Variants in ZNF709 observed in about 807,000 individuals in gnomAD.
ZNF709 encodes the protein zinc finger protein 709.
In ZNF709, 15 loss-of-function variants were observed where a neutral mutation model predicts 10.6. That is an observed-to-expected ratio of 1.41 (90% CI 0.95 to 2.18). ZNF709 has a LOEUF of 2.18. Ranked by LOEUF, ZNF709 falls within the 30% of genes most tolerant of loss-of-function variation. The pLI is 0.00. For missense variants in ZNF709, 589 were observed against 774.0 expected (o/e 0.76, Z 2.84); for synonymous variants, 194 against 238.8 (o/e 0.81, Z 1.73).
Position 12,461,195 on chromosome 19 carries a change from T to C in ZNF709, c.*2801A>G, listed in dbSNP as rs1970511429. The C allele has an allele frequency of 6.6e-6, 1 of 152,192 alleles. No homozygotes were observed. Among genetic ancestry groups the C allele is most frequent in the Non-Finnish European group, 1.5e-5 (1 of 68,040 alleles). The allele number at this position is 152,192 out of a possible 1,614,324, so 9.4% of individuals were successfully genotyped here. ...TTAATCTGAAAATCTATAATTGCAA[T>C]GGAATATTTTAATATATCCTTGCAG... On this transcript the variant is annotated 3_prime_UTR_variant, in exon 4 of 4. Transcript: ENST00000397732.
At chr19:12,477,566 G>A (rs2862168) in intron 1 of ZNF709, among the ~76,000 whole-genome samples, 61,940 of 151,954 alleles carry the variant, frequency 0.41, 14,210 homozygotes, top group Non-Finnish European at 0.51. Flanking sequence ...ATTATCAGGG[G>A]ATACCTTGCT....
At chr19:12,468,103 A>G (rs537194971) in intron 1 of ZNF709, among the ~76,000 whole-genome samples, 2 of 140,100 alleles carry the variant, frequency 1.4e-5, no homozygotes, top group South Asian at 4.7e-4. Context: ...CCAGCCGCCC[A>G]GTCCAGGAGG....
chr19:12,465,104 G>A lies in ZNF709; in HGVS notation c.818C>T (p.Thr273Ile), dbSNP rs747013708. The change falls in exon 4 of 4, where the codon ACT (threonine) becomes ATT (isoleucine). Residue 273 changes from threonine to isoleucine, a missense_variant. By Grantham distance (89) the Thr-to-Ile change is moderately conservative (BLOSUM62 -1). Around this residue, in one of 2 missense-constraint regions of ZNF709, gnomAD observed 418 missense variants for 496.3 expected, o/e 0.84. Transcript: ENST00000397732. Reference sequence around the variant, plus strand: ...CTGATAGGGTTTTTCCCCAGTGTGAGTCCTTTCATGTATTTGAAAAGTTTG... The same window carrying A: ...CTGATAGGGTTTTTCCCCAGTGTGAATCCTTTCATGTATTTGAAAAGTTTG... Reference protein sequence around the residue: ...YYQTFQIHERTHTGEKPYQCK... With the variant: ...YYQTFQIHERIHTGEKPYQCK... 6.8e-6 allele frequency: 11 copies of A among 1,612,288 alleles called. No homozygotes were observed. The highest frequency in any genetic ancestry group is 9.3e-6 in the Non-Finnish European group (11 of 1,179,470).
intron 1 of ZNF709, among the ~76,000 whole-genome samples, chr19:12,472,202 A>C (rs1048532451): frequency 4.6e-5 from 7 of 152,138 alleles, no homozygotes; most frequent in African/African-American, 1.7e-4. Context: ...TAGCCAAATA[A>C]ATAAAAAGTG....
intron 1 of ZNF709, among the ~76,000 whole-genome samples, chr19:12,481,448 C>T (rs927536983): frequency 5.3e-5 from 8 of 151,986 alleles, no homozygotes; most frequent in Admixed American, 1.3e-4. Context: ...CCAAGTTGGC[C>T]AGGCTGGTCT....
intron 1 of ZNF709, chr19:12,481,234 C>CTTTTTTTTTT: frequency 1.0e-6 from 1 of 960,612 alleles, no homozygotes; most frequent in Non-Finnish European, 1.2e-6. Flanking sequence ...CCAGAGTTTT[C>CTTTTTTTTTT]TTTTTTTTTG....
Position 12,464,726 on chromosome 19 carries a change from T to C in ZNF709, c.1196A>G (p.Lys399Arg), listed in dbSNP as rs1260388146. The C allele has an allele frequency of 1.2e-6, 2 of 1,613,718 alleles. No homozygotes were observed. Among genetic ancestry groups the C allele is most frequent in the African/African-American group, 1.3e-5 (1 of 74,922 alleles). Reference sequence around the variant, plus strand: ...AAAGGAACTGGAACAACTGAAGGCTTTACCACACTGTTTACATTCATAGGG... The same window carrying C: ...AAAGGAACTGGAACAACTGAAGGCTCTACCACACTGTTTACATTCATAGGG... ...EKPYECKQCGKAFSCSSSFRM... is the reference protein window; with the variant it reads ...EKPYECKQCGRAFSCSSSFRM... The change falls in exon 4 of 4, where the codon AAA becomes AGA. Residue 399 changes from lysine to arginine, a missense_variant. Lys to Arg is a conservative substitution (Grantham distance 26, BLOSUM62 2). Transcript: ENST00000397732.
chr19:12,465,861 T>C, intron 3 of ZNF709, 128 bp from the exon 4 acceptor site: 3 of 684,636 alleles, frequency 4.4e-6, no homozygotes, highest in South Asian at 6.5e-5. Context: ...TCAGGGAAAG[T>C]GTATGTCATG....
chr19:12,480,591 G>T (rs773461268), intron 1 of ZNF709, among the ~76,000 whole-genome samples: 7 of 151,720 alleles, frequency 4.6e-5, no homozygotes, highest in Non-Finnish European at 1.0e-4. Flanking sequence ...GCTGAGGCAG[G>T]AGAATGGCGT....
intron 1 of ZNF709, among the ~76,000 whole-genome samples, chr19:12,470,870 T>G (rs931287144): frequency 2.7e-5 from 4 of 146,108 alleles, no homozygotes; most frequent in African/African-American, 1.0e-4. Flanking sequence ...GAGCTTGCAG[T>G]GAGCCAAGAT....
At chr19:12,473,065 C>G (rs1473861423) in intron 1 of ZNF709, among the ~76,000 whole-genome samples, 1 of 152,192 alleles carries the variant, frequency 6.6e-6, no homozygotes, top group East Asian at 1.9e-4. Flanking sequence ...TCAACTGATA[C>G]ACTCCATTGC....
At position 12,465,594 on chromosome 19, in the gene ZNF709, C is replaced by T. The variant is rs1599631541; in HGVS notation, c.328G>A (p.Asp110Asn). ...TTAAGAGATGAATGACACATATAGT[C>T]CTTTCCACACACACTACATTCATAT... ...KPYECSVCGK[D>N]YMCHSSLNRH... The change falls in exon 4 of 4, where the codon GAC (aspartate) becomes AAC (asparagine). Residue 110 changes from aspartate to asparagine, a missense_variant. Physicochemically the swap from Asp to Asn is conservative, Grantham distance 23 (BLOSUM62 1). This residue lies in a region of ZNF709 where 418 missense variants were observed against 496.3 expected (regional missense o/e 0.84). Coordinates refer to ENST00000397732, the MANE Select transcript of ZNF709 (RefSeq NM_152601.4). The T allele has an allele frequency of 6.2e-7, 1 of 1,613,846 alleles. No individual in the cohort carries two copies. The highest frequency in any genetic ancestry group is 2.2e-5 in the East Asian group (1 of 44,846).
chr19:12,466,372 C>T (rs1568245851), intron 3 of ZNF709, 90 bp downstream of exon 3: 1 of 1,269,248 alleles, frequency 7.9e-7, no homozygotes, highest in East Asian at 2.4e-5. Flanking sequence ...TGAAATGGGG[C>T]TTATTTGTTT....
intron 3 of ZNF709, 130 bp downstream of exon 3, chr19:12,466,332 T>C (rs1970570352): frequency 1.1e-6 from 1 of 881,452 alleles, no homozygotes; most frequent in South Asian, 1.9e-5. Context: ...AAAACGTTCT[T>C]GGCAAAAATT....
chr19:12,464,020 A>G lies in ZNF709; in HGVS notation c.1902T>C (p.His634=). ...AFKCSRSFRI[H]ERVHSGE ...GTTACTCTCCACTATGAACTCTTTC[A>G]TGTATTCGAAAGGAACGGGAACACT... The change falls in exon 4 of 4, where the codon CAT becomes CAC. Residue 634 remains histidine (H), a synonymous_variant. Coordinates refer to ENST00000397732, the MANE Select transcript of ZNF709 (RefSeq NM_152601.4). The G allele has an allele frequency of 6.7e-7, 1 of 1,499,390 alleles. No homozygotes were observed. The highest frequency in any genetic ancestry group is 1.5e-5 in the South Asian group (1 of 67,102). The allele number at this position is 1,499,390 out of a possible 1,614,324, so 92.9% of individuals were successfully genotyped here.
intron 1 of ZNF709, among the ~76,000 whole-genome samples, chr19:12,474,379 A>T (rs1970660126): frequency 1.3e-5 from 2 of 152,168 alleles, no homozygotes; most frequent in Admixed American, 6.5e-5. Context: ...CCTTTTTTTA[A>T]AGGCTAAATC....
intron 1 of ZNF709, among the ~76,000 whole-genome samples, chr19:12,483,328 T>TA (rs36103242): frequency 0.31 from 41,217 of 134,294 alleles, 5,473 homozygotes; most frequent in Non-Finnish European, 0.4. Flanking sequence ...TTTTTTTTTT[T>TA]TTTCTAGTAG....
intron 1 of ZNF709, among the ~76,000 whole-genome samples, chr19:12,473,396 G>A (rs1970651136): frequency 1.3e-5 from 2 of 152,182 alleles, no homozygotes; most frequent in Admixed American, 1.3e-4. Context: ...ACATCACATA[G>A]TGAAATGGAA....
Position 12,465,365 on chromosome 19 carries a change from T to C in ZNF709, c.557A>G (p.His186Arg), listed in dbSNP as rs1212514835. 5 of 1,613,556 alleles carry C rather than the reference T, an allele frequency of 3.1e-6. No homozygotes were observed. The highest frequency in any genetic ancestry group is 4.2e-6 in the Non-Finnish European group (5 of 1,179,872). The stretch of plus-strand genomic sequence containing the variant: ...TTTCTCTCCAGTATGAGTTCTTTCA[T>C]GTATTTGAAAGGAACTGGGCCAACT... The part of the protein sequence containing the change: ...AFSWPSSFQI[H>R]ERTHTGEKPY... The change falls in exon 4 of 4, where the codon CAT (histidine) becomes CGT (arginine). Residue 186 changes from histidine to arginine, a missense_variant. Around this residue, in one of 2 missense-constraint regions of ZNF709, gnomAD observed 418 missense variants for 496.3 expected, o/e 0.84. Transcript: ENST00000397732.
Sources: allele counts gnomAD v4.1 joint callset (sites outside exome capture counted in the v4.1 genomes callset), GRCh38; gene constraint gnomAD v4.1.1; regional missense constraint gnomAD v4.1.1; transcripts MANE v1.5; gene names NCBI Gene and HGNC (gene_info 2026-07-23, HGNC 2026-07-21).